The following GPR39 variants were observed in gnomAD, a reference collection of about 807,000 sequenced individuals.
GPR39 encodes the protein zinc sensing receptor.
Under a neutral mutation model 18.4 loss-of-function variants are expected in GPR39, and 23 were observed. The ratio of observed to expected loss-of-function variants is 1.25; its 90% CI spans 0.90 to 1.77. The LOEUF (loss-of-function observed/expected upper bound fraction) is 1.77, where lower values mean the gene tolerates loss of function less well. Among genes scored for constraint, GPR39 ranks in the 40% most tolerant of loss-of-function variants. The pLI, the probability that GPR39 is intolerant of heterozygous loss-of-function variation, is 0.00. For missense variants in GPR39, 647 were observed against 602.4 expected, an observed-to-expected ratio of 1.07 and a Z score of -0.78; for synonymous variants, 280 against 257.9, an observed-to-expected ratio of 1.09 and a Z score of -0.82.
intron 1 of GPR39, among the ~76,000 whole-genome samples, chr2:132,560,963 GT>G (rs1289466313): frequency 9.8e-5 from 6 of 61,172 alleles, no homozygotes; most frequent in African/African-American, 1.4e-4. Context: ...CCAGGCTGGA[GT>G]GTGTAGTGGC....
intron 1 of GPR39, among the ~76,000 whole-genome samples, chr2:132,436,123 C>A (rs1000510078): frequency 6.7e-6 from 1 of 149,728 alleles, no homozygotes; most frequent in South Asian, 2.1e-4. Context: ...TTGCCTTTGA[C>A]CTTTGTCCTG....
chr2:132,561,574 G>A (rs1680253387), intron 1 of GPR39, among the ~76,000 whole-genome samples: 1 of 114,530 alleles, frequency 8.7e-6, no homozygotes, highest in South Asian at 2.9e-4. Context: ...TTGAATATGA[G>A]TGTACACACA....
intron 1 of GPR39, among the ~76,000 whole-genome samples, chr2:132,460,535 A>C (rs1205449743): frequency 2.6e-5 from 4 of 152,216 alleles, no homozygotes; most frequent in African/African-American, 7.2e-5. Flanking sequence ...GGAAAAGATA[A>C]AATAGTAATT....
At chr2:132,580,103 C>T (rs1195462330) in intron 1 of GPR39, among the ~76,000 whole-genome samples, 2 of 152,182 alleles carry the variant, frequency 1.3e-5, no homozygotes, top group East Asian at 1.9e-4. Flanking sequence ...AGGCAAAGTT[C>T]GGGCTTCCTA....
intron 1 of GPR39, among the ~76,000 whole-genome samples, chr2:132,451,195 G>A (rs940981354): frequency 2.0e-5 from 3 of 151,400 alleles, no homozygotes; most frequent in Non-Finnish European, 4.4e-5. Context: ...GAAATGCTTT[G>A]CCCTTTGATA....
chr2:132,451,174 T>TGTGTGTGTGTGTGTGC (rs3219552), intron 1 of GPR39, among the ~76,000 whole-genome samples: 256 of 150,462 alleles, frequency 1.7e-3, no homozygotes, highest in African/African-American at 3.4e-3. Flanking sequence ...TGTGTGTGTG[T>TGTGTGTGTGTGTGTGC]GCACGCGCGT....
chr2:132,645,687 AT>A lies in GPR39; in HGVS notation c.*82del. The A allele has an allele frequency of 1.3e-6, 2 of 1,519,430 alleles. No individual in the cohort carries two copies. Among genetic ancestry groups the A allele is most frequent in the South Asian group, 2.6e-5 (2 of 76,360 alleles). The allele number at this position is 1,519,430 out of a possible 1,614,324, so 94.1% of individuals were successfully genotyped here. On this transcript the variant is annotated 3_prime_UTR_variant, in exon 2 of 2. Coordinates refer to ENST00000329321, the MANE Select transcript of GPR39 (RefSeq NM_001508.3). ...CACTCTCACTCTGCAGTCTCAAACT[AT>A]GCCCCCATCAGGGATGGAATGGACA...
In GPR39 at chr2:132,439,276, A is replaced by T. The variant is rs974459677; in HGVS notation, c.856+21378A>T. ...AGCAACTAATTCTTTATTTTATTTTATTTTTTTGTGGTAACAGTGTCTTGA... is the reference window on the plus strand; with the variant it reads ...AGCAACTAATTCTTTATTTTATTTTTTTTTTTTGTGGTAACAGTGTCTTGA... On this transcript the variant is annotated intron_variant, in intron 1 of 1. Coordinates refer to ENST00000329321, the MANE Select transcript of GPR39 (RefSeq NM_001508.3). Among the ~76,000 whole-genome samples, 234 of 152,284 alleles carry T rather than the reference A, an allele frequency of 1.5e-3. 4 individuals are homozygous for T. The highest frequency in any genetic ancestry group is 5.2e-3 in the African/African-American group (218 of 41,580).
chr2:132,587,344 A>G (rs376241891), intron 1 of GPR39, among the ~76,000 whole-genome samples: 4 of 152,168 alleles, frequency 2.6e-5, no homozygotes, highest in Non-Finnish European at 4.4e-5. Context: ...TTTTTAGATT[A>G]CTCTCTGTCA....
intron 1 of GPR39, among the ~76,000 whole-genome samples, chr2:132,623,358 A>T (rs1054266560): frequency 4.6e-5 from 7 of 152,154 alleles, no homozygotes; most frequent in African/African-American, 1.7e-4. Context: ...CCGTTGAAGG[A>T]AGATCTGAAA....
intron 1 of GPR39, among the ~76,000 whole-genome samples, chr2:132,485,191 C>G (rs544846696): frequency 1.3e-5 from 2 of 152,320 alleles, no homozygotes; most frequent in South Asian, 4.1e-4. Flanking sequence ...AATCTGTAGT[C>G]TAAGCATTGT....
At chr2:132,498,594 G>A (rs1384643636) in intron 1 of GPR39, among the ~76,000 whole-genome samples, 2 of 152,118 alleles carry the variant, frequency 1.3e-5, no homozygotes, top group Non-Finnish European at 2.9e-5. Flanking sequence ...ATACATAGTG[G>A]TGGGATTGCT....
chr2:132,530,879 G>A (rs927677553), intron 1 of GPR39, among the ~76,000 whole-genome samples: 2 of 152,180 alleles, frequency 1.3e-5, no homozygotes, highest in Non-Finnish European at 2.9e-5. Context: ...GGAACAACTT[G>A]TACCAGCCAC....
chr2:132,587,318 C>T (rs191095967), intron 1 of GPR39, among the ~76,000 whole-genome samples: 8 of 152,300 alleles, frequency 5.3e-5, no homozygotes, highest in African/African-American at 1.9e-4. Context: ...GGCTCTTTCG[C>T]CATTTCTCCA....
intron 1 of GPR39, among the ~76,000 whole-genome samples, chr2:132,613,354 A>G (rs56069383): frequency 0.047 from 7,229 of 152,282 alleles, 587 homozygotes; most frequent in African/African-American, 0.16. Flanking sequence ...ATGTGCCTCT[A>G]CATCCTCCCA....
intron 1 of GPR39, among the ~76,000 whole-genome samples, chr2:132,643,376 C>T (rs1681899665): frequency 6.6e-6 from 1 of 152,192 alleles, no homozygotes; most frequent in South Asian, 2.1e-4. Context: ...TTTCCAAGGC[C>T]TTCCTTGCTC....
At position 132,497,012 on chromosome 2, in the gene GPR39, T is replaced by C. The variant is rs150277135; in HGVS notation, c.856+79114T>C. Among the ~76,000 whole-genome samples, 293 of 152,314 alleles carry C rather than the reference T, an allele frequency of 1.9e-3. 1 individual carries two copies. The highest frequency in any genetic ancestry group is 6.6e-3 in the African/African-American group (275 of 41,570). On this transcript the variant is annotated intron_variant, in intron 1 of 1. Coordinates refer to ENST00000329321, the MANE Select transcript of GPR39 (RefSeq NM_001508.3). ...CATATATATGCAGCCACAGTAGAAA[T>C]TGGCTATCATGACAGCAGTGATTAT...
At chr2:132,567,851 C>T (rs1297271553) in intron 1 of GPR39, among the ~76,000 whole-genome samples, 1 of 151,784 alleles carries the variant, frequency 6.6e-6, no homozygotes. Context: ...GTAAGTTTCA[C>T]GAGATCTGAT....
chr2:132,452,641 C>G (rs958513847), intron 1 of GPR39, among the ~76,000 whole-genome samples: 51 of 151,906 alleles, frequency 3.4e-4, no homozygotes, highest in Middle Eastern at 3.4e-3. Flanking sequence ...CCCCACCCCC[C>G]AATAGGCCCC....
Sources: gnomAD v4.1 joint callset for allele counts (sites outside exome capture counted in the v4.1 genomes callset) on GRCh38, gnomAD v4.1.1 for gene constraint, MANE v1.5 for transcripts, NCBI Gene and HGNC (gene_info 2026-07-23, HGNC 2026-07-21) for gene names.